Variants in DAGLA observed in about 807,000 individuals in gnomAD.
DAGLA encodes diacylglycerol lipase-alpha.
Under a neutral mutation model 102.6 loss-of-function variants are expected in DAGLA, and 22 were observed. The ratio of observed to expected loss-of-function variants is 0.21; its 90% confidence interval spans 0.15 to 0.31. The LOEUF (loss-of-function observed/expected upper bound fraction) is 0.31. Ranked by LOEUF, DAGLA falls within the 10% of genes least tolerant of loss-of-function variation. The pLI is 1.00. For missense variants in DAGLA, 927 were observed against 1,446.6 expected (o/e 0.64, Z 5.83); for synonymous variants, 578 against 628.9 (o/e 0.92, Z 1.21).
chr11:61,705,073 A>G (rs2065138718), intron 1 of DAGLA, among the ~76,000 whole-genome samples: 1 of 152,104 alleles, frequency 6.6e-6, no homozygotes, highest in Admixed American at 6.5e-5. Flanking sequence ...ACCTGTGTTC[A>G]CAGAGCCCAG....
chr11:61,717,894 C>T (rs1039936840), intron 1 of DAGLA, among the ~76,000 whole-genome samples: 1 of 152,370 alleles, frequency 6.6e-6, no homozygotes, highest in South Asian at 2.1e-4. Flanking sequence ...CACCTCACCT[C>T]TGCAGGGCCC....
rs530035794 is a variant in DAGLA at position 61,697,347 on chromosome 11, A to G, written c.-45+16843A>G. Among the ~76,000 whole-genome samples, 6 of 152,326 alleles carry G rather than the reference A, an allele frequency of 3.9e-5. No individual in the cohort carries two copies. In the South Asian group the frequency reaches 1.2e-3, roughly 32 times the overall value. ...GCCAGGGCGAGGGAAGGCCTGGCCT[A>G]AACTGAGATGGGCCCTCCAGGCAAG... On this transcript the variant is annotated intron_variant, in intron 1 of 19. Transcript: ENST00000257215.
chr11:61,690,386 G>A (rs577423007), intron 1 of DAGLA, among the ~76,000 whole-genome samples: 2 of 152,260 alleles, frequency 1.3e-5, no homozygotes, highest in Admixed American at 6.5e-5. Flanking sequence ...GTATCACTTC[G>A]TCCTGAGGGA....
intron 1 of DAGLA, among the ~76,000 whole-genome samples, chr11:61,681,069 G>A (rs2064938113): frequency 1.3e-5 from 2 of 152,176 alleles, no homozygotes; most frequent in African/African-American, 2.4e-5. Flanking sequence ...GGCACGGTGT[G>A]GTGCGGGGGG....
Position 61,690,287 on chromosome 11 carries a change from C to T in DAGLA, c.-45+9783C>T, listed in dbSNP as rs750690875. Among the ~76,000 whole-genome samples, 4 of 152,200 alleles carry T rather than the reference C, an allele frequency of 2.6e-5. No individual in the cohort carries two copies. The South Asian group carries it at 8.3e-4, about 32-fold the overall frequency. On this transcript the variant is annotated intron_variant, in intron 1 of 19. Coordinates refer to ENST00000257215, the MANE Select transcript of DAGLA (RefSeq NM_006133.3). Reference sequence around the variant, plus strand: ...GACCGTGGAGCAGATAATAGTTTTGCCACGTGTAGTCTCCCATCTCCCCAT... The same window carrying T: ...GACCGTGGAGCAGATAATAGTTTTGTCACGTGTAGTCTCCCATCTCCCCAT...
intron 1 of DAGLA, among the ~76,000 whole-genome samples, chr11:61,707,705 G>A (rs966818629): frequency 3.3e-5 from 5 of 152,226 alleles, no homozygotes; most frequent in African/African-American, 1.2e-4. Context: ...ATGTCGGGGC[G>A]GAGTGCCCAA....
At chr11:61,730,030 C>G (rs979287141) in intron 8 of DAGLA, among the ~76,000 whole-genome samples, 1 of 151,394 alleles carries the variant, frequency 6.6e-6, no homozygotes, top group African/African-American at 2.4e-5. Flanking sequence ...CTATGATTGC[C>G]ACTGCACTCC....
chr11:61,734,681 T>G lies in DAGLA; in HGVS notation c.975-168T>G, dbSNP rs546478306. Among the ~76,000 whole-genome samples, 16 of 151,786 alleles carry G rather than the reference T, an allele frequency of 1.1e-4. No homozygotes were observed. In the South Asian group the frequency reaches 3.3e-3, roughly 32 times the overall value. On this transcript the variant is annotated intron_variant, in intron 9 of 19. Coordinates refer to ENST00000257215, the MANE Select transcript of DAGLA (RefSeq NM_006133.3). This position sits in a 1 kb window ranked among gnomAD's most constrained non-coding sequence, Gnocchi z 4.2. Reference sequence around the variant, plus strand: ...GCTCAGTTAAGAGGAAGGCTAAGAGTGGCCAGTGGATTTGGTGACGTGGGG... The same window carrying G: ...GCTCAGTTAAGAGGAAGGCTAAGAGGGGCCAGTGGATTTGGTGACGTGGGG...
Position 61,722,932 on chromosome 11 carries a change from C to T in DAGLA, c.381C>T (p.Asn127=), listed in dbSNP as rs201176107. 73 of 1,614,094 alleles carry T rather than the reference C, an allele frequency of 4.5e-5. No homozygotes were observed. The highest frequency in any genetic ancestry group is 4.2e-4 in the East Asian group (19 of 44,880). The part of the protein sequence containing the change: ...VWLTQYYTSC[N]DLTAKNVTLG... ...TCACTCAGTACTACACCTCCTGCAA[C>T]GACCTCACTGCCAAGAATGTCACCC... The change falls in exon 4 of 20, where the codon AAC becomes AAT. Residue 127 remains asparagine, a synonymous_variant. Coordinates refer to ENST00000257215, the MANE Select transcript of DAGLA (RefSeq NM_006133.3).
At chr11:61,689,739 C>T (rs760498359) in intron 1 of DAGLA, among the ~76,000 whole-genome samples, 98 of 152,226 alleles carry the variant, frequency 6.4e-4, no homozygotes, top group Non-Finnish European at 8.4e-4. Flanking sequence ...CTCCTGACCT[C>T]GTGATCCATC....
intron 1 of DAGLA, among the ~76,000 whole-genome samples, chr11:61,688,771 AC>A (rs1215771270): frequency 2.0e-5 from 3 of 152,028 alleles, no homozygotes; most frequent in African/African-American, 7.2e-5. Flanking sequence ...ACCTCCCCTC[AC>A]CCCTCAACAC....
At chr11:61,717,174 C>T (rs974912078) in intron 1 of DAGLA, among the ~76,000 whole-genome samples, 2 of 152,174 alleles carry the variant, frequency 1.3e-5, no homozygotes, top group Admixed American at 6.5e-5. Context: ...CCTCTGCCCT[C>T]CCCGCTCCTG....
At chr11:61,741,607 C>CTTTTT (rs34881719) in intron 19 of DAGLA, among the ~76,000 whole-genome samples, 5 of 132,018 alleles carry the variant, frequency 3.8e-5, no homozygotes, top group Admixed American at 1.5e-4. Context: ...CAGATTCACT[C>CTTTTT]TTTTTTTTTT....
At chr11:61,735,023 G>T in intron 10 of DAGLA, 21 bp downstream of exon 10, 1 of 1,607,670 alleles carries the variant, frequency 6.2e-7, no homozygotes, top group Non-Finnish European at 8.5e-7. Flanking sequence ...GCAGGGCTGG[G>T]GCCTGGTGTC....
At chr11:61,721,003 T>A in intron 3 of DAGLA, 113 bp downstream of exon 3, 1 of 1,025,516 alleles carries the variant, frequency 9.8e-7, no homozygotes, top group Non-Finnish European at 1.4e-6. Context: ...AGCACTGGGG[T>A]ACAGCAGTGA....
chr11:61,720,694 C>T lies in DAGLA; in HGVS notation c.111C>T (p.Ser37=), dbSNP rs773906365. ...CCTGTGACAGGTTTGTGATCCTGTCCGTGGTGCTCTTCGGCCTGGTCTATA... is the reference window on the plus strand; with the variant it reads ...CCTGTGACAGGTTTGTGATCCTGTCTGTGGTGCTCTTCGGCCTGGTCTATA... ...LLHTTWFVIL[S]VVLFGLVYNP... Residue 37 remains serine, a synonymous_variant, in exon 3 of 20, where the codon TCC becomes TCT. Coordinates refer to ENST00000257215, the MANE Select transcript of DAGLA (RefSeq NM_006133.3). 8 of 1,613,668 alleles carry T rather than the reference C, an allele frequency of 5.0e-6. No individual in the cohort carries two copies. Among genetic ancestry groups the T allele is most frequent in the East Asian group, 2.2e-5 (1 of 44,902 alleles).
At chr11:61,732,747 G>A (rs1405647150) in intron 9 of DAGLA, among the ~76,000 whole-genome samples, 1 of 152,186 alleles carries the variant, frequency 6.6e-6, no homozygotes, top group African/African-American at 2.4e-5. Flanking sequence ...AGGCAGGCCT[G>A]CAGCCCAGGG....
rs1328197254 is a variant in DAGLA, at chr11:61,720,859, C to T, written c.276C>T (p.Asp92=). The change falls in exon 3 of 20, where the codon GAC becomes GAT. Residue 92 remains aspartate, a synonymous_variant. Transcript: ENST00000257215. ...GCATCCTCTACACGGAGCCCCGTGA[C>T]TCCATGCAGTACGTGCTCTACGTGC... ...RGGILYTEPR[D]SMQYVLYVRL... is the part of the protein sequence containing the mutation. 2.5e-6 allele frequency: 4 copies of T among 1,613,470 alleles called. No individual in the cohort carries two copies. In the South Asian group the frequency reaches 3.3e-5, roughly 13 times the overall value.
chr11:61,717,161 T>C (rs1289630100), intron 1 of DAGLA, among the ~76,000 whole-genome samples: 1 of 152,048 alleles, frequency 6.6e-6, no homozygotes, highest in Admixed American at 6.5e-5. Flanking sequence ...GACCAGGAAG[T>C]AGCCTCTGCC....
Sources: allele counts gnomAD v4.1 joint callset (sites outside exome capture counted in the v4.1 genomes callset), GRCh38; gene constraint gnomAD v4.1.1; non-coding constraint Gnocchi (gnomAD v3.1); transcripts MANE v1.5; gene names NCBI Gene and HGNC (gene_info 2026-07-23, HGNC 2026-07-21).